The following TMEM256 variants were observed in gnomAD, a reference collection of about 807,000 sequenced individuals.
The protein encoded by TMEM256 is transmembrane protein 256.
Under a neutral mutation model 14.8 loss-of-function variants are expected in TMEM256, and 14 were observed. The ratio of observed to expected loss-of-function variants is 0.95; its 90% CI spans 0.63 to 1.48. TMEM256 has a LOEUF of 1.48. TMEM256 is among the 40% of genes most tolerant of loss of function. The pLI, the probability that TMEM256 is intolerant of heterozygous loss-of-function variation, is 0.00. For missense variants in TMEM256, 146 were observed against 137.9 expected, an observed-to-expected ratio of 1.06 and a Z score of -0.30; for synonymous variants, 68 against 60.7, an observed-to-expected ratio of 1.12 and a Z score of -0.56.
chr17:7,403,637 G>A (rs1388518313), intron 2 of TMEM256, 21 bp downstream of exon 2: 1 of 1,614,084 alleles, frequency 6.2e-7, no homozygotes, highest in South Asian at 1.1e-5. Flanking sequence ...GAGTCAGGGA[G>A]CCCCAGCGCA....
intron 3 of TMEM256, 41 bp downstream of exon 3, chr17:7,403,269 T>G: frequency 6.2e-7 from 1 of 1,613,232 alleles, no homozygotes; most frequent in South Asian, 1.1e-5. Flanking sequence ...TGAGAGGGAG[T>G]GTGTGGGGCT....
Position 7,404,018 on chromosome 17 carries a change from C to T in TMEM256, c.67G>A (p.Ala23Thr). ...ALSGAAALGFASYGAHGAQFP... is the reference protein window; with the variant it reads ...ALSGAAALGFTSYGAHGAQFP... The stretch of plus-strand genomic sequence containing the variant: ...CCCTGACCGTGCGCCCCGTAGGAAG[C>T]GAAGCCTAAGGCCGCAGCTCCGGAC... Residue 23 changes from alanine to threonine, a missense_variant, in exon 1 of 4, where the codon GCT becomes ACT. Transcript: ENST00000302422. The T allele has an allele frequency of 1.2e-6, 2 of 1,600,518 alleles. No homozygotes were observed. The highest frequency in any genetic ancestry group is 2.3e-5 in the South Asian group (2 of 88,822).
Position 7,403,043 on chromosome 17 carries a change from C to T in TMEM256, c.*23G>A. The T allele has an allele frequency of 6.4e-7, 1 of 1,574,572 alleles. No homozygotes were observed. Among genetic ancestry groups the T allele is most frequent in the Non-Finnish European group, 8.6e-7 (1 of 1,167,958 alleles). On this transcript the variant is annotated 3_prime_UTR_variant, in exon 4 of 4. Coordinates refer to ENST00000302422, the MANE Select transcript of TMEM256 (RefSeq NM_152766.5). ...TTAAAAAAAAAACTGCCCAGAAAACCCAGTAATTAAGCAAAAGGGAGCTCA... is the reference window on the plus strand; with the variant it reads ...TTAAAAAAAAAACTGCCCAGAAAACTCAGTAATTAAGCAAAAGGGAGCTCA...
intron 2 of TMEM256, 131 bp downstream of exon 2, chr17:7,403,527 A>G: frequency 6.6e-7 from 1 of 1,515,670 alleles, no homozygotes; most frequent in Non-Finnish European, 9.1e-7. Context: ...TGGCTTACAG[A>G]GCCTTTGGCC....
At chr17:7,403,783 C>CA in intron 1 of TMEM256, 94 bp from the exon 2 acceptor site, 1 of 1,164,058 alleles carries the variant, frequency 8.6e-7, no homozygotes, top group Non-Finnish European at 1.1e-6. Context: ...CGAGAAAGGG[C>CA]ACCCCCCCCC....
chr17:7,403,791 C>A (rs559341678), intron 1 of TMEM256, 102 bp from the exon 2 acceptor site: 7 of 1,045,836 alleles, frequency 6.7e-6, no homozygotes, highest in East Asian at 4.9e-5. Flanking sequence ...GGCACCCCCC[C>A]CCCCGCCCCA....
Position 7,403,017 on chromosome 17 carries a change from T to C in TMEM256, c.*49A>G, listed in dbSNP as rs1016404038. On this transcript the variant is annotated 3_prime_UTR_variant, in exon 4 of 4. Coordinates refer to ENST00000302422, the MANE Select transcript of TMEM256 (RefSeq NM_152766.5). ...TTTAATCCTCTTCTTACTCCAACTCTTTAAAAAAAAAACTGCCCAGAAAAC... is the reference window on the plus strand; with the variant it reads ...TTTAATCCTCTTCTTACTCCAACTCCTTAAAAAAAAAACTGCCCAGAAAAC... 1 of 1,561,304 alleles carries C rather than the reference T, an allele frequency of 6.4e-7. No homozygotes were observed.
chr17:7,403,641 C>T lies in TMEM256; in HGVS notation c.117+17G>A. 1 of 1,614,146 alleles carries T rather than the reference C, an allele frequency of 6.2e-7. No homozygotes were observed. The highest frequency in any genetic ancestry group is 1.1e-5 in the South Asian group (1 of 91,084). ...CGTAGACCCACGAGTCAGGGAGCCCCAGCGCAGTTACTTCACCTCCTTCCC... is the reference window on the plus strand; with the variant it reads ...CGTAGACCCACGAGTCAGGGAGCCCTAGCGCAGTTACTTCACCTCCTTCCC... On this transcript the variant is annotated intron_variant, in intron 2 of 3. Transcript: ENST00000302422.
intron 2 of TMEM256, 25 bp from the exon 3 acceptor site, chr17:7,403,415 G>A: frequency 1.2e-6 from 2 of 1,607,096 alleles, no homozygotes; most frequent in Non-Finnish European, 1.7e-6. Context: ...GAAACGAAGG[G>A]ATGTCGTAGG....
chr17:7,403,027 A>C lies in TMEM256; in HGVS notation c.*39T>G. 2 of 1,564,716 alleles carry C rather than the reference A, an allele frequency of 1.3e-6. No homozygotes were observed. The highest frequency in any genetic ancestry group is 1.7e-6 in the Non-Finnish European group (2 of 1,163,090). The stretch of plus-strand genomic sequence containing the variant: ...TTCTTACTCCAACTCTTTAAAAAAA[A>C]AACTGCCCAGAAAACCCAGTAATTA... On this transcript the variant is annotated 3_prime_UTR_variant, in exon 4 of 4. Coordinates refer to ENST00000302422, the MANE Select transcript of TMEM256 (RefSeq NM_152766.5).
In TMEM256 at chr17:7,403,211, T is replaced by G. The variant is rs773931923; in HGVS notation, c.199-2A>C. On this transcript the variant is annotated splice_acceptor_variant, in intron 3 of 3. Coordinates refer to ENST00000302422, the MANE Select transcript of TMEM256 (RefSeq NM_152766.5). LOFTEE classifies it high-confidence loss of function. ...TCCGGAAGCTAGCAATAACCCAGCC[T>G]GAAGGAGACACAGCACAGAAAACAG... 11 of 1,613,936 alleles carry G rather than the reference T, an allele frequency of 6.8e-6. No homozygotes were observed. In the African/African-American group the frequency reaches 1.3e-4, roughly 20 times the overall value.
rs1906419715 is a variant in TMEM256 at position 7,403,379 on chromosome 17, C to T, written c.129G>A (p.Lys43=). The change falls in exon 3 of 4, where the codon AAG becomes AAA. Residue 43 remains lysine (K), a synonymous_variant. Coordinates refer to ENST00000302422, the MANE Select transcript of TMEM256 (RefSeq NM_152766.5). ...TGTGTAAGAAGTGGTGTTTGTTGGCCTTGTCAAACAGCTGTAAGAAAAACA... is the reference window on the plus strand; with the variant it reads ...TGTGTAAGAAGTGGTGTTTGTTGGCTTTGTCAAACAGCTGTAAGAAAAACA... The part of the protein sequence containing the change: ...PDAYGKELFD[K]ANKHHFLHSL... The T allele has an allele frequency of 1.2e-6, 2 of 1,614,150 alleles. No homozygotes were observed. Among genetic ancestry groups the T allele is most frequent in the Middle Eastern group, 1.6e-4 (1 of 6,062 alleles).
chr17:7,403,413 G>A (rs760469784), intron 2 of TMEM256, 23 bp from the exon 3 acceptor site: 7 of 1,610,450 alleles, frequency 4.3e-6, no homozygotes, highest in South Asian at 2.2e-5. Context: ...CAGAAACGAA[G>A]GGATGTCGTA....
At chr17:7,403,587 T>TAC in intron 2 of TMEM256, 71 bp downstream of exon 2, 11 of 1,591,646 alleles carry the variant, frequency 6.9e-6, no homozygotes, top group South Asian at 1.1e-5. Context: ...CCCGCCCACT[T>TAC]CCCCCAGGGA....
chr17:7,403,424 G>C (rs1225641886), intron 2 of TMEM256, 34 bp from the exon 3 acceptor site: 1 of 1,595,966 alleles, frequency 6.3e-7, no homozygotes, highest in Non-Finnish European at 8.6e-7. Flanking sequence ...GGATGTCGTA[G>C]GCAATACAGG....
rs942863960 is a variant in TMEM256 at position 7,403,595 on chromosome 17, G to A, written c.117+63C>T. 5 of 1,607,344 alleles carry A rather than the reference G, an allele frequency of 3.1e-6. No homozygotes were observed. In the African/African-American group the frequency reaches 6.7e-5, roughly 22 times the overall value. On this transcript the variant is annotated intron_variant, in intron 2 of 3. Transcript: ENST00000302422. ...CCCTCTCCCCGCCCACTTCCCCCAG[G>A]GACCCCAGACTTTGTGCCTTCGTAG...
rs986663664 is a variant in TMEM256 at position 7,403,008 on chromosome 17, C to T, written c.*58G>A. On this transcript the variant is annotated 3_prime_UTR_variant, in exon 4 of 4. Coordinates refer to ENST00000302422, the MANE Select transcript of TMEM256 (RefSeq NM_152766.5). ...CCTTTCCTTTTTAATCCTCTTCTTA[C>T]TCCAACTCTTTAAAAAAAAAACTGC... 5.1e-6 allele frequency: 8 copies of T among 1,556,250 alleles called. No individual in the cohort carries two copies. Among genetic ancestry groups the T allele is most frequent in the Admixed American group, 2.2e-5 (1 of 46,032 alleles).
chr17:7,403,101 G>A lies in TMEM256; in HGVS notation c.307C>T (p.Leu103=), dbSNP rs929665647. The A allele has an allele frequency of 6.2e-7, 1 of 1,614,036 alleles. No homozygotes were observed. The highest frequency in any genetic ancestry group is 1.7e-4 in the Middle Eastern group (1 of 6,006). Residue 103 remains leucine, a synonymous_variant, in exon 4 of 4, where the codon CTG becomes TTG. Coordinates refer to ENST00000302422, the MANE Select transcript of TMEM256 (RefSeq NM_152766.5). ...IQTLAPAGGT[L]LLLGWLALAL is the part of the protein sequence containing the mutation. ...AAGGCAAGCCAGCCCAAGAGTAGCA[G>A]GGTCCCTCCCGCAGGGGCCAAAGTC...
At chr17:7,403,498 C>T (rs1282610783) in intron 2 of TMEM256, 108 bp from the exon 3 acceptor site, 3 of 1,496,208 alleles carry the variant, frequency 2.0e-6, no homozygotes, top group Non-Finnish European at 2.8e-6. Context: ...CTTGAAGTCC[C>T]AGCTTGATCC....
Sources: allele counts gnomAD v4.1 joint callset, GRCh38; gene constraint gnomAD v4.1.1; transcripts MANE v1.5; gene names NCBI Gene and HGNC (gene_info 2026-07-23, HGNC 2026-07-21).